Variants in DNAH14 observed in about 807,000 individuals in gnomAD.
DNAH14 encodes the protein axonemal beta dynein heavy chain 14.
Under a neutral mutation model 520.9 loss-of-function variants are expected in DNAH14, and 478 were observed. The ratio of observed to expected loss-of-function variants is 0.92; its 90% confidence interval spans 0.85 to 0.99. DNAH14 has a LOEUF of 0.99. Among genes scored for constraint, DNAH14 ranks in the 50% least tolerant of loss-of-function variants. The pLI is 0.00. For synonymous variants in DNAH14, 1,581 were observed against 1,757.2 expected, an observed-to-expected ratio of 0.90 and a Z score of 2.51; for missense variants, 4,831 against 5,234.5, an observed-to-expected ratio of 0.92 and a Z score of 2.38.
At chr1:225,376,086 T>C (rs2095696360) in intron 78 of DNAH14, among the ~76,000 whole-genome samples, 1 of 151,750 alleles carries the variant, frequency 6.6e-6, no homozygotes, top group Non-Finnish European at 1.5e-5. Flanking sequence ...AGATCCTATC[T>C]GAAAAAGAAG....
intron 29 of DNAH14, among the ~76,000 whole-genome samples, chr1:225,145,003 AAGAC>A (rs983972833): frequency 1.2e-4 from 18 of 152,078 alleles, no homozygotes; most frequent in African/African-American, 4.3e-4. Flanking sequence ...GAGAGAGAGA[AAGAC>A]AGAGAAAAGC....
intron 55 of DNAH14, among the ~76,000 whole-genome samples, chr1:225,292,441 C>T (rs2093914006): frequency 6.6e-6 from 1 of 152,074 alleles, no homozygotes; most frequent in Non-Finnish European, 1.5e-5. Context: ...GTACTCTATT[C>T]TATTCCATTG....
intron 77 of DNAH14, 29 bp downstream of exon 77, chr1:225,368,061 A>G: frequency 2.0e-6 from 3 of 1,494,686 alleles, no homozygotes; most frequent in Non-Finnish European, 2.7e-6. Context: ...AACAAACAAC[A>G]AATAAGTAAC....
At chr1:225,089,464 A>AAAAAAAAAAAAAAAAAAAG (rs775049047) in intron 21 of DNAH14, among the ~76,000 whole-genome samples, 75 of 138,284 alleles carry the variant, frequency 5.4e-4, no homozygotes, top group Non-Finnish European at 1.0e-3. Context: ...AAAAAAAAAA[A>AAAAAAAAAAAAAAAAAAAG]AGAGAGCGAG....
At chr1:225,201,883 T>TC (rs1371051586) in intron 38 of DNAH14, among the ~76,000 whole-genome samples, 1 of 149,520 alleles carries the variant, frequency 6.7e-6, no homozygotes, top group Admixed American at 6.6e-5. Flanking sequence ...CTTTTTTTTT[T>TC]TTTTTTTTTG....
intron 7 of DNAH14, among the ~76,000 whole-genome samples, chr1:224,971,674 AAAG>A (rs2061509783): frequency 6.6e-6 from 1 of 152,208 alleles, no homozygotes; most frequent in Admixed American, 6.5e-5. Context: ...AAATGATGAA[AAAG>A]AGACAGCCAT....
intron 41 of DNAH14, among the ~76,000 whole-genome samples, chr1:225,220,271 C>A (rs1312217809): frequency 6.6e-6 from 1 of 152,304 alleles, no homozygotes; most frequent in South Asian, 2.1e-4. Flanking sequence ...CCAGTCTCAC[C>A]ACTCCTAATC....
intron 27 of DNAH14, among the ~76,000 whole-genome samples, chr1:225,124,491 A>T (rs983431694): frequency 6.6e-6 from 1 of 152,234 alleles, no homozygotes; most frequent in African/African-American, 2.4e-5. Flanking sequence ...CTTCATCAGG[A>T]GTAGATTCCA....
In DNAH14 at chr1:225,308,206, GA is replaced by G; in HGVS notation, c.9115-78del. ...TTAGTAAACTTTACCATAGTGAAAT[GA>G]GATATTTGAATTGCTCTTTTAGAAA... On this transcript the variant is annotated intron_variant, in intron 59 of 85. Coordinates refer to ENST00000682510, the MANE Select transcript of DNAH14 (RefSeq NM_001367479.1). 2.9e-6 allele frequency: 4 copies of G among 1,383,600 alleles called. No homozygotes were observed. The South Asian group carries it at 5.6e-5, about 19-fold the overall frequency. The allele number at this position is 1,383,600 out of a possible 1,614,324, so 85.7% of individuals were successfully genotyped here. A position where few individuals can be genotyped will look rare whatever the true frequency, so the allele number is the denominator to read the frequency against.
At chr1:225,175,246 C>A (rs1270306371) in intron 36 of DNAH14, among the ~76,000 whole-genome samples, 1 of 152,116 alleles carries the variant, frequency 6.6e-6, no homozygotes, top group Non-Finnish European at 1.5e-5. Flanking sequence ...ATTAGTTCTT[C>A]TTTAAAAGTT....
At chr1:225,274,516 T>G (rs555354818) in intron 52 of DNAH14, among the ~76,000 whole-genome samples, 9 of 152,336 alleles carry the variant, frequency 5.9e-5, no homozygotes, top group African/African-American at 2.2e-4. Flanking sequence ...TTTTGACTTT[T>G]TAGTATTAGC....
At chr1:224,967,692 A>G in intron 6 of DNAH14, 109 bp downstream of exon 6, 1 of 1,598,728 alleles carries the variant, frequency 6.3e-7, no homozygotes, top group South Asian at 1.1e-5. Context: ...ATACTTGGTC[A>G]TTTGTGGAGC....
chr1:225,182,950 A>T (rs1035139995), intron 36 of DNAH14, among the ~76,000 whole-genome samples: 8 of 152,272 alleles, frequency 5.3e-5, no homozygotes, highest in African/African-American at 1.9e-4. Context: ...TTCTGTGCTG[A>T]TCTGGCAGGC....
intron 5 of DNAH14, 44 bp downstream of exon 5, chr1:224,964,653 T>C (rs749773231): frequency 7.2e-7 from 1 of 1,384,928 alleles, no homozygotes; most frequent in Non-Finnish European, 9.6e-7. Flanking sequence ...AAAATCAATA[T>C]TGAAATTATA....
At chr1:225,012,461 G>C (rs1385941523) in intron 10 of DNAH14, among the ~76,000 whole-genome samples, 2 of 151,928 alleles carry the variant, frequency 1.3e-5, no homozygotes, top group Non-Finnish European at 2.9e-5. Flanking sequence ...TATCTCTGTG[G>C]TGTTCTCTGT....
At position 225,204,177 on chromosome 1, in the gene DNAH14, T is replaced by G. The variant is rs780322885; in HGVS notation, c.5887-6T>G. 1.4e-6 allele frequency: 2 copies of G among 1,396,956 alleles called. No individual in the cohort carries two copies. Among genetic ancestry groups the G allele is most frequent in the East Asian group, 2.8e-5 (1 of 35,526 alleles). The allele number at this position is 1,396,956 out of a possible 1,614,324, so 86.5% of individuals were successfully genotyped here. On this transcript the variant is annotated splice_polypyrimidine_tract_variant and splice_region_variant and intron_variant, in intron 38 of 85. Coordinates refer to ENST00000682510, the MANE Select transcript of DNAH14 (RefSeq NM_001367479.1). ...AAATTTAAACATTATTGATTACATA[T>G]TTTAGGTTTTCAAACTTGATTCCTC... is the stretch of plus-strand genomic sequence containing the variant.
intron 31 of DNAH14, among the ~76,000 whole-genome samples, chr1:225,150,829 A>G (rs1468687706): frequency 6.6e-6 from 1 of 152,100 alleles, no homozygotes; most frequent in Non-Finnish European, 1.5e-5. Context: ...TCCCGGGTTC[A>G]AGCAATTCTC....
At chr1:225,085,916 A>G (rs2073714155) in intron 21 of DNAH14, 127 bp downstream of exon 21, 3 of 993,752 alleles carry the variant, frequency 3.0e-6, no homozygotes, top group Admixed American at 3.7e-5. Context: ...AAAAATTACA[A>G]TGAATATTTA....
intron 8 of DNAH14, among the ~76,000 whole-genome samples, chr1:224,988,971 G>A (rs2062845353): frequency 6.6e-6 from 1 of 152,188 alleles, no homozygotes; most frequent in East Asian, 1.9e-4. Context: ...TACTCCAGCA[G>A]TAATAATGCA....
Sources: allele counts gnomAD v4.1 joint callset (sites outside exome capture counted in the v4.1 genomes callset), GRCh38; gene constraint gnomAD v4.1.1; transcripts MANE v1.5; gene names NCBI Gene and HGNC (gene_info 2026-07-23, HGNC 2026-07-21).